The following SOX6 variants were observed in gnomAD, a reference collection of about 807,000 sequenced individuals.
The protein encoded by SOX6 is SRY-box transcription factor 6.
A neutral mutation model predicts 97.8 loss-of-function variants in SOX6; 11 were observed. That is an observed-to-expected ratio of 0.11 (90% CI 0.07 to 0.19). SOX6 has a LOEUF of 0.19. SOX6 is among the 10% of genes least tolerant of loss of function. SOX6 has a pLI of 1.00. For missense variants in SOX6, 810 were observed against 1,039.5 expected (o/e 0.78, Z 3.04); for synonymous variants, 360 against 371.4 (o/e 0.97, Z 0.35).
intron 1 of SOX6, among the ~76,000 whole-genome samples, chr11:16,391,327 T>C (rs1362566383): frequency 1.3e-5 from 2 of 152,070 alleles, no homozygotes; most frequent in Non-Finnish European, 2.9e-5. Context: ...ACCCAGAACT[T>C]AAAGTATGTT....
chr11:16,032,293 G>C (rs1855399000), intron 12 of SOX6, among the ~76,000 whole-genome samples: 1 of 152,042 alleles, frequency 6.6e-6, no homozygotes, highest in East Asian at 1.9e-4. Context: ...TGAATTTTCA[G>C]GGTTTTGTTC....
chr11:16,391,472 A>G (rs1858180668), intron 1 of SOX6, among the ~76,000 whole-genome samples: 1 of 152,188 alleles, frequency 6.6e-6, no homozygotes, highest in South Asian at 2.1e-4. Flanking sequence ...TGCAAGAATC[A>G]TATCTTTTTC....
At chr11:16,129,993 A>G (rs763493426) in intron 6 of SOX6, among the ~76,000 whole-genome samples, 15 of 152,078 alleles carry the variant, frequency 9.9e-5, no homozygotes, top group Non-Finnish European at 1.9e-4. Context: ...AAATGCACAC[A>G]GTGTGGAAAG....
intron 1 of SOX6, among the ~76,000 whole-genome samples, chr11:16,381,639 T>C (rs1384563428): frequency 1.3e-5 from 2 of 152,028 alleles, no homozygotes; most frequent in African/African-American, 4.8e-5. Context: ...CATGAAAATA[T>C]GCATAATATA....
At chr11:16,512,101 A>G (rs980203180) in intron 4 of SOX6, among the ~76,000 whole-genome samples, 1 of 152,158 alleles carries the variant, frequency 6.6e-6, no homozygotes, top group African/African-American at 2.4e-5. Context: ...ATAGAAACCA[A>G]CCAAAACCTA....
intron 4 of SOX6, among the ~76,000 whole-genome samples, chr11:16,533,083 C>T (rs1590235663): frequency 6.6e-6 from 1 of 151,678 alleles, no homozygotes. Flanking sequence ...AATATTGATG[C>T]CCTTTATCAT....
At chr11:16,410,595 A>G (rs1858785109) in intron 1 of SOX6, among the ~76,000 whole-genome samples, 2 of 151,902 alleles carry the variant, frequency 1.3e-5, no homozygotes, top group South Asian at 2.1e-4. Flanking sequence ...CATCTCTACA[A>G]AAAACAAACA....
chr11:16,033,436 G>T (rs889044525), intron 12 of SOX6, among the ~76,000 whole-genome samples: 4 of 152,124 alleles, frequency 2.6e-5, no homozygotes, highest in Non-Finnish European at 4.4e-5. Context: ...AGACATGACC[G>T]ATTTCAAAGG....
chr11:16,363,375 T>C (rs76576415), intron 1 of SOX6, among the ~76,000 whole-genome samples: 15 of 152,268 alleles, frequency 9.9e-5, no homozygotes, highest in Non-Finnish European at 1.9e-4. Context: ...GACATGCTCA[T>C]TGAAGCATTT....
chr11:16,430,603 G>A (rs927696258), intron 1 of SOX6, among the ~76,000 whole-genome samples: 1 of 152,084 alleles, frequency 6.6e-6, no homozygotes, highest in African/African-American at 2.4e-5. Flanking sequence ...GTCAGAGTGA[G>A]AAATTGGCTA....
intron 4 of SOX6, among the ~76,000 whole-genome samples, chr11:16,597,999 A>G (rs919642558): frequency 3.3e-5 from 5 of 152,054 alleles, no homozygotes; most frequent in African/African-American, 1.2e-4. Context: ...AAGTTATGTA[A>G]CTTCCCAAAG....
intron 3 of SOX6, among the ~76,000 whole-genome samples, chr11:16,622,731 T>C (rs186397553): frequency 2.1e-4 from 32 of 152,340 alleles, no homozygotes; most frequent in Non-Finnish European, 3.1e-4. Context: ...TAAACATGCA[T>C]GTGCAAGTCT....
intron 6 of SOX6, among the ~76,000 whole-genome samples, chr11:16,125,856 AAG>A (rs1564968092): frequency 4.0e-5 from 6 of 151,354 alleles, no homozygotes; most frequent in South Asian, 4.2e-4. Flanking sequence ...GGAAGGAAGG[AAG>A]GAAGGAAGGA....
chr11:15,987,605 G>A (rs546347448), intron 14 of SOX6, among the ~76,000 whole-genome samples: 1 of 151,896 alleles, frequency 6.6e-6, no homozygotes, highest in African/African-American at 2.4e-5. Context: ...CCATCTGAAG[G>A]CTTACTCATA....
At chr11:16,002,576 T>C (rs1344609640) in intron 13 of SOX6, among the ~76,000 whole-genome samples, 1 of 151,808 alleles carries the variant, frequency 6.6e-6, no homozygotes, top group Non-Finnish European at 1.5e-5. Flanking sequence ...TATTTATACA[T>C]AGAAGGAGGG....
intron 3 of SOX6, among the ~76,000 whole-genome samples, chr11:16,612,695 A>G (rs547318802): frequency 6.6e-6 from 1 of 152,162 alleles, no homozygotes; most frequent in African/African-American, 2.4e-5. Flanking sequence ...GACACGAACT[A>G]AGACAATGTG....
intron 1 of SOX6, among the ~76,000 whole-genome samples, chr11:16,354,618 G>A (rs1175899941): frequency 6.6e-6 from 1 of 151,952 alleles, no homozygotes; most frequent in Non-Finnish European, 1.5e-5. Context: ...AGCTGTAGGT[G>A]CCTATTCAAA....
chr11:16,501,298 T>C (rs1473033692), intron 4 of SOX6, among the ~76,000 whole-genome samples: 6 of 151,804 alleles, frequency 4.0e-5, no homozygotes, highest in African/African-American at 7.2e-5. Flanking sequence ...ACACCTTATA[T>C]AAAAATTAAT....
At chr11:16,479,504 C>T (rs1016052400), upstream of SOX6, among the ~76,000 whole-genome samples, 3 of 149,774 alleles carry the variant, frequency 2.0e-5, no homozygotes, top group South Asian at 2.1e-4. Context: ...CACTCCAACC[C>T]GGGCAACGGA....
Sources: gnomAD v4.1 joint callset for allele counts (sites outside exome capture counted in the v4.1 genomes callset) on GRCh38, gnomAD v4.1.1 for gene constraint, MANE v1.5 for transcripts, NCBI Gene and HGNC (gene_info 2026-07-23, HGNC 2026-07-21) for gene names.